The following SLC13A3 variants were observed in gnomAD, a reference collection of about 807,000 sequenced individuals.
The protein encoded by SLC13A3 is Na(+)/dicarboxylate cotransporter 3.
A neutral mutation model predicts 59.0 loss-of-function variants in SLC13A3; 40 were observed. That is an observed-to-expected ratio of 0.68 (90% CI 0.53 to 0.88). The LOEUF (loss-of-function observed/expected upper bound fraction) is 0.88. Ranked by LOEUF, SLC13A3 falls within the 40% of genes least tolerant of loss-of-function variation. SLC13A3 has a pLI of 0.00. For missense variants in SLC13A3, 699 were observed against 783.2 expected, an observed-to-expected ratio of 0.89 and a Z score of 1.28; for synonymous variants, 317 against 330.3, an observed-to-expected ratio of 0.96 and a Z score of 0.44.
chr20:46,668,090 A>G (rs932840475), intron 1 of SLC13A3, among the ~76,000 whole-genome samples: 1 of 152,212 alleles, frequency 6.6e-6, no homozygotes, highest in Non-Finnish European at 1.5e-5. Flanking sequence ...TCCCTGAGAT[A>G]CAATACTATT....
chr20:46,568,522 C>T (rs1018908412), intron 10 of SLC13A3, among the ~76,000 whole-genome samples: 27 of 151,676 alleles, frequency 1.8e-4, no homozygotes, highest in African/African-American at 6.5e-4. Context: ...ATAATAAATG[C>T]TTAAAAATAT....
chr20:46,602,826 C>A (rs148714566), intron 3 of SLC13A3, among the ~76,000 whole-genome samples: 163 of 152,200 alleles, frequency 1.1e-3, no homozygotes, highest in African/African-American at 3.8e-3. Context: ...TCTCCCTATA[C>A]CTCAGTTCTT....
chr20:46,597,722 C>A (rs1225209187), intron 4 of SLC13A3, among the ~76,000 whole-genome samples: 2 of 152,218 alleles, frequency 1.3e-5, no homozygotes, highest in Non-Finnish European at 2.9e-5. Flanking sequence ...CAGGCATAAG[C>A]CACCGCGGTA....
chr20:46,619,122 C>T (rs190237896), intron 1 of SLC13A3, among the ~76,000 whole-genome samples: 1 of 152,252 alleles, frequency 6.6e-6, no homozygotes, highest in East Asian at 1.9e-4. Flanking sequence ...TTCTGAAGAC[C>T]CAATCTAAGA....
At position 46,563,378 on chromosome 20, in the gene SLC13A3, A is replaced by T. The variant is rs371444792; in HGVS notation, c.1632+36T>A. 388 of 1,600,294 alleles carry T rather than the reference A, an allele frequency of 2.4e-4. 3 individuals carry two copies. The Admixed American group carries it at 6.1e-3, about 25-fold the overall frequency. ...GCCCGCCCCCTTGCGGCCCACCCAC[A>T]TCCCGGGGCCTCTGCTGGGAAATGC... On this transcript the variant is annotated intron_variant, in intron 12 of 12. Transcript: ENST00000279027.
chr20:46,630,935 A>G (rs1255464500), intron 1 of SLC13A3, among the ~76,000 whole-genome samples: 1 of 152,204 alleles, frequency 6.6e-6, no homozygotes, highest in Non-Finnish European at 1.5e-5. Context: ...AGAGATGGTT[A>G]TTAATATAAG....
chr20:46,627,977 A>G (rs1003141161), intron 1 of SLC13A3, among the ~76,000 whole-genome samples: 4 of 152,178 alleles, frequency 2.6e-5, no homozygotes, highest in African/African-American at 9.7e-5. Flanking sequence ...GTGGAATCAT[A>G]GAGGGGAGTC....
At chr20:46,578,209 C>T (rs950129931) in intron 9 of SLC13A3, among the ~76,000 whole-genome samples, 13 of 151,706 alleles carry the variant, frequency 8.6e-5, no homozygotes, top group East Asian at 2.0e-4. Flanking sequence ...GGATTACAGG[C>T]GTGAGCCACC....
chr20:46,629,485 T>A, intron 1 of SLC13A3, among the ~76,000 whole-genome samples: 1 of 152,216 alleles, frequency 6.6e-6, no homozygotes, highest in Non-Finnish European at 1.5e-5. Context: ...TCCAATATTG[T>A]TTTCCATTTT....
intron 11 of SLC13A3, among the ~76,000 whole-genome samples, chr20:46,565,187 G>C (rs6017918): frequency 6.6e-6 from 1 of 152,112 alleles, no homozygotes; most frequent in South Asian, 2.1e-4. Flanking sequence ...TTTTCATTCT[G>C]TCATGGTTTC....
At chr20:46,571,806 A>T (rs1385482341) in intron 10 of SLC13A3, among the ~76,000 whole-genome samples, 1 of 152,028 alleles carries the variant, frequency 6.6e-6, no homozygotes, top group Non-Finnish European at 1.5e-5. Context: ...TTTCTGAGGG[A>T]CTGAGACCTG....
chr20:46,659,444 T>C (rs971061551), intron 1 of SLC13A3, among the ~76,000 whole-genome samples: 1 of 152,126 alleles, frequency 6.6e-6, no homozygotes, highest in Non-Finnish European at 1.5e-5. Flanking sequence ...TGGCCAAGTA[T>C]GGTTGCTCAT....
At chr20:46,642,262 G>A (rs545651424) in intron 1 of SLC13A3, among the ~76,000 whole-genome samples, 3 of 152,346 alleles carry the variant, frequency 2.0e-5, no homozygotes, top group African/African-American at 7.2e-5. Context: ...GGGACAGGTG[G>A]GCAGGAGCTG....
intron 1 of SLC13A3, among the ~76,000 whole-genome samples, chr20:46,617,700 C>A (rs1423295020): frequency 6.6e-6 from 1 of 152,112 alleles, no homozygotes; most frequent in African/African-American, 2.4e-5. Context: ...CCCAAGCCAG[C>A]ATAAGCTGGC....
chr20:46,659,723 C>CCAAA (rs1555884130), intron 1 of SLC13A3, among the ~76,000 whole-genome samples: 1 of 120,996 alleles, frequency 8.3e-6, no homozygotes, highest in African/African-American at 3.1e-5. Context: ...CCCCCCCCCC[C>CCAAA]AAAAAAAAAA....
chr20:46,584,201 A>C (rs2062169198), intron 8 of SLC13A3: 8 of 985,428 alleles, frequency 8.1e-6, no homozygotes, highest in Non-Finnish European at 9.6e-6. Flanking sequence ...TGCGCACATT[A>C]AGCCCTCGGG....
At chr20:46,589,885 C>A (rs1322829912) in intron 6 of SLC13A3, among the ~76,000 whole-genome samples, 3 of 152,078 alleles carry the variant, frequency 2.0e-5, no homozygotes, top group Non-Finnish European at 4.4e-5. Flanking sequence ...AGAGCTAAAG[C>A]CATAACACTC....
intron 10 of SLC13A3, among the ~76,000 whole-genome samples, chr20:46,575,281 T>A (rs2062063984): frequency 6.6e-6 from 1 of 152,236 alleles, no homozygotes; most frequent in African/African-American, 2.4e-5. Context: ...TATGTTGTTA[T>A]CCCTCTGAAG....
chr20:46,614,030 TTAGAGA>T (rs945327145), intron 1 of SLC13A3: 12 of 310,104 alleles, frequency 3.9e-5, no homozygotes, highest in Admixed American at 1.0e-4. Flanking sequence ...CATTGTTGTC[TTAGAGA>T]TAAAGACGAG....
Sources: gnomAD v4.1 joint callset for allele counts (sites outside exome capture counted in the v4.1 genomes callset) on GRCh38, gnomAD v4.1.1 for gene constraint, MANE v1.5 for transcripts, NCBI Gene and HGNC (gene_info 2026-07-23, HGNC 2026-07-21) for gene names.